ESCO2: variants seen among roughly 807,000 people sequenced by gnomAD.
ESCO2 encodes the protein establishment of sister chromatid cohesion N-acetyltransferase 2.
In ESCO2, 51 loss-of-function variants were observed where a neutral mutation model predicts 61.7. The observed-to-expected ratio is 0.83, with a 90% CI of 0.66 to 1.04. The LOEUF is 1.04. Ranked by LOEUF, ESCO2 falls within the 50% of genes least tolerant of loss-of-function variation. The probability of loss-of-function intolerance (pLI) is 0.00; values close to 1 mark genes in which losing one functional copy is unlikely to be tolerated. For synonymous variants in ESCO2, 230 were observed against 238.2 expected (o/e 0.97, Z 0.32); for missense variants, 692 against 686.2 (o/e 1.01, Z -0.09).
At position 27,780,239 on chromosome 8, in the gene ESCO2, A is replaced by G. The variant is rs1428586871; in HGVS notation, c.927A>G (p.Ser309=). The G allele has an allele frequency of 1.2e-6, 2 of 1,611,194 alleles. No individual in the cohort carries two copies. The highest frequency in any genetic ancestry group is 1.7e-5 in the Admixed American group (1 of 59,944). ...HKVDKNEAFS[S]EDSLGENKTI... is the part of the protein sequence containing the mutation. Reference sequence around the variant, plus strand: ...TTGATAAAAATGAGGCTTTTTCTTCAGAGGATTCTCTTGGTGAGAATAAGA... The same window carrying G: ...TTGATAAAAATGAGGCTTTTTCTTCGGAGGATTCTCTTGGTGAGAATAAGA... Residue 309 remains serine (S), a synonymous_variant, in exon 4 of 11, where the codon TCA becomes TCG. Transcript: ENST00000305188.
chr8:27,775,654 C>G (rs1804773507), intron 2 of ESCO2, 87 bp downstream of exon 2: 1 of 1,261,374 alleles, frequency 7.9e-7, no homozygotes, highest in South Asian at 1.2e-5. Context: ...AATTTTCGTT[C>G]TTCCACTAGC....
At chr8:27,816,039 T>A (rs1261490593), downstream of ESCO2, among the ~76,000 whole-genome samples, 1 of 152,168 alleles carries the variant, frequency 6.6e-6, no homozygotes. Context: ...TGAAAAATGA[T>A]GAAACTGGAG....
chr8:27,810,462 T>C (rs1223455301), downstream of ESCO2: 5 of 1,606,464 alleles, frequency 3.1e-6, no homozygotes, highest in Non-Finnish European at 4.3e-6. Flanking sequence ...CGCTGCATAG[T>C]ATGCTTCATC....
At chr8:27,796,240 C>T (rs937078610) in intron 9 of ESCO2, among the ~76,000 whole-genome samples, 2 of 152,056 alleles carry the variant, frequency 1.3e-5, no homozygotes. Context: ...TTCATAGTCT[C>T]TTACGATCCT....
downstream of ESCO2, among the ~76,000 whole-genome samples, chr8:27,816,364 T>A (rs1359096379): frequency 2.3e-5 from 3 of 131,770 alleles, no homozygotes; most frequent in Non-Finnish European, 3.2e-5. Flanking sequence ...TATATTTATT[T>A]ATTTATTTAT....
intron 2 of ESCO2, among the ~76,000 whole-genome samples, chr8:27,776,038 A>G (rs4732747): frequency 0.98 from 149,230 of 152,318 alleles, 73,183 homozygotes; most frequent in Middle Eastern, 1. Context: ...GGGGCTTGTA[A>G]ACAATAGAGC....
At chr8:27,806,168 G>C (rs145951467), downstream of ESCO2, among the ~76,000 whole-genome samples, 1 of 152,316 alleles carries the variant, frequency 6.6e-6, no homozygotes, top group Non-Finnish European at 1.5e-5. Context: ...CCACAGTGGG[G>C]TGATAAGTGC....
Position 27,777,652 on chromosome 8 carries a change from A to G in ESCO2, c.861+483A>G, listed in dbSNP as rs190388109. The stretch of plus-strand genomic sequence containing the variant: ...ACATGTAGCTGGTGGCTACCATATT[A>G]GACCATGCTGGTCTAGAACTTCTGT... On this transcript the variant is annotated intron_variant, in intron 3 of 10. Coordinates refer to ENST00000305188, the MANE Select transcript of ESCO2 (RefSeq NM_001017420.3). The G allele has an allele frequency of 2.1e-3, 315 of 153,224 alleles. 1 individual carries two copies. The highest frequency in any genetic ancestry group is 3.3e-3 in the Non-Finnish European group (226 of 68,732). 9.5% of individuals were successfully genotyped at this position (153,224 alleles called of 1,614,324 possible).
chr8:27,798,425 A>G (rs1008432058), intron 9 of ESCO2, among the ~76,000 whole-genome samples: 4 of 151,962 alleles, frequency 2.6e-5, no homozygotes, highest in South Asian at 2.1e-4. Flanking sequence ...TGCCACTGCA[A>G]TCCAGCCTGG....
chr8:27,799,794 G>A, intron 10 of ESCO2, 78 bp downstream of exon 10: 2 of 1,520,692 alleles, frequency 1.3e-6, no homozygotes, highest in Non-Finnish European at 1.8e-6. Context: ...TGAGCTAAAG[G>A]GAAGGATATT....
Position 27,788,978 on chromosome 8 carries a change from G to A in ESCO2, c.1263G>A (p.Val421=), listed in dbSNP as rs757245032. 3 of 1,613,894 alleles carry A rather than the reference G, an allele frequency of 1.9e-6. No homozygotes were observed. Among genetic ancestry groups the A allele is most frequent in the Non-Finnish European group, 2.5e-6 (3 of 1,179,960 alleles). Residue 421 remains valine, a splice_region_variant and synonymous_variant, in exon 7 of 11, where the codon GTG becomes GTA. Transcript: ENST00000305188. Reference sequence around the variant, plus strand: ...GGTTTCTGGAAGGAATCAAATATGTGGTGAGCCAAAACATAGTCTTTCAGT... The same window carrying A: ...GGTTTCTGGAAGGAATCAAATATGTAGTGAGCCAAAACATAGTCTTTCAGT... ...HHRFLEGIKY[V]GWKKERVVAE... is the part of the protein sequence containing the mutation.
At chr8:27,779,118 T>C (rs1804866513) in intron 3 of ESCO2, 1 of 152,310 alleles carries the variant, frequency 6.6e-6, no homozygotes, top group South Asian at 2.1e-4. Flanking sequence ...TTTCACCCTC[T>C]CAGCCAGGCT....
chr8:27,792,919 A>G (rs1483709587), intron 9 of ESCO2, 108 bp downstream of exon 9: 3 of 1,205,936 alleles, frequency 2.5e-6, no homozygotes, highest in East Asian at 2.4e-5. Context: ...CACTCTTCCT[A>G]CTGAAATATC....
rs763734266 is a variant in ESCO2 at position 27,799,684 on chromosome 8, G to A, written c.1641G>A (p.Lys547=). 7.4e-6 allele frequency: 12 copies of A among 1,613,956 alleles called. No individual in the cohort carries two copies. The South Asian group carries it at 1.3e-4, about 18-fold the overall frequency. The change falls in exon 10 of 11, where the codon AAG becomes AAA. Residue 547 remains lysine (K), a synonymous_variant. Transcript: ENST00000305188. The part of the protein sequence containing the change: ...RIWVFRLKRR[K]RIARRLVDTL... The stretch of plus-strand genomic sequence containing the variant: ...GGGTTTTCAGACTGAAGAGAAGAAA[G>A]CGCATTGCAAGACGACTGGTTGATA...
intron 4 of ESCO2, among the ~76,000 whole-genome samples, 200 bp from the exon 5 acceptor site, chr8:27,783,800 G>C (rs956821842): frequency 3.3e-5 from 5 of 152,116 alleles, no homozygotes; most frequent in African/African-American, 9.7e-5. Flanking sequence ...GTTTGAATAG[G>C]TGTAATTTTT....
chr8:27,773,687 A>G (rs905767696), upstream of ESCO2: 13 of 152,228 alleles, frequency 8.5e-5, no homozygotes, highest in South Asian at 4.1e-4. Context: ...GGAATGATAC[A>G]GAGAACTTTA....
chr8:27,798,224 C>T (rs1054846211), intron 9 of ESCO2, among the ~76,000 whole-genome samples: 5 of 152,114 alleles, frequency 3.3e-5, no homozygotes, highest in Non-Finnish European at 5.9e-5. Context: ...CTTTGGGAGG[C>T]CAAGGCAGGT....
chr8:27,780,670 C>T (rs891261221), intron 4 of ESCO2, among the ~76,000 whole-genome samples: 2 of 152,160 alleles, frequency 1.3e-5, no homozygotes, highest in Non-Finnish European at 2.9e-5. Context: ...TTATAAGTGA[C>T]ACTGAAATTA....
At chr8:27,797,342 C>A (rs903656810) in intron 9 of ESCO2, among the ~76,000 whole-genome samples, 13 of 152,050 alleles carry the variant, frequency 8.5e-5, no homozygotes, top group Non-Finnish European at 1.5e-4. Context: ...TTCTTTGTCT[C>A]TTGATGGTTT....
Sources: allele counts gnomAD v4.1 joint callset (sites outside exome capture counted in the v4.1 genomes callset), GRCh38; gene constraint gnomAD v4.1.1; transcripts MANE v1.5; gene names NCBI Gene and HGNC (gene_info 2026-07-23, HGNC 2026-07-21).